Variants in MAP3K14 observed in about 807,000 individuals in gnomAD.
MAP3K14 encodes the protein NF-kappa-beta-inducing kinase.
Under a neutral mutation model 99.2 loss-of-function variants are expected in MAP3K14, and 16 were observed. The ratio of observed to expected loss-of-function variants is 0.16; its 90% CI spans 0.11 to 0.24. The LOEUF (loss-of-function observed/expected upper bound fraction) is 0.24, where lower values mean the gene tolerates loss of function less well. MAP3K14 is among the 10% of genes least tolerant of loss of function. MAP3K14 has a pLI of 1.00. For synonymous variants in MAP3K14, 462 were observed against 492.4 expected (o/e 0.94, Z 0.82); for missense variants, 784 against 1,208.7 (o/e 0.65, Z 5.21).
chr17:45,272,428 G>A lies in MAP3K14; in HGVS notation c.1657+1075C>T, dbSNP rs1318849503. Among the ~76,000 whole-genome samples the A allele has an allele frequency of 2.0e-5, 3 of 152,174 alleles. No homozygotes were observed. Among genetic ancestry groups the A allele is most frequent in the African/African-American group, 7.2e-5 (3 of 41,442 alleles). On this transcript the variant is annotated intron_variant, in intron 9 of 15. Coordinates refer to ENST00000344686, the MANE Select transcript of MAP3K14 (RefSeq NM_003954.5). This position sits in a 1 kb window ranked among gnomAD's most constrained non-coding sequence, Gnocchi z 4.1. ...AAAAGGGCTTAAAACAACACGGGTG[G>A]AGGTCAAGTGTCCACATTCAATTTA...
At chr17:45,290,935 C>T in intron 1 of MAP3K14, 170 bp from the exon 2 acceptor site, 1 of 616,478 alleles carries the variant, frequency 1.6e-6, no homozygotes, top group East Asian at 2.8e-5. Flanking sequence ...ACAGAGTCCA[C>T]CTCTCAACAG....
At chr17:45,275,973 G>A (rs2044177235) in intron 6 of MAP3K14, among the ~76,000 whole-genome samples, 1 of 152,064 alleles carries the variant, frequency 6.6e-6, no homozygotes, top group Non-Finnish European at 1.5e-5. Flanking sequence ...ATGCTGGCCA[G>A]GCTGGTCTCA....
chr17:45,274,109 G>A lies in MAP3K14; in HGVS notation c.1552+14C>T, dbSNP rs2143790995. 4 of 1,609,324 alleles carry A rather than the reference G, an allele frequency of 2.5e-6. No individual in the cohort carries two copies. Among genetic ancestry groups the A allele is most frequent in the Non-Finnish European group, 2.5e-6 (3 of 1,177,550 alleles). ...AGCCTGCTGGGGATCAGGGCCGTGGGGCCTGGGCCTTACCTTTGACGTCCC... is the reference window on the plus strand; with the variant it reads ...AGCCTGCTGGGGATCAGGGCCGTGGAGCCTGGGCCTTACCTTTGACGTCCC... On this transcript the variant is annotated intron_variant, in intron 8 of 15. Coordinates refer to ENST00000344686, the MANE Select transcript of MAP3K14 (RefSeq NM_003954.5).
At position 45,267,139 on chromosome 17, in the gene MAP3K14, A is replaced by G. The variant is rs1365553419; in HGVS notation, c.2386T>C (p.Ser796Pro). ...GAGAGGCTGTCGATGCTGAGGCACGAGAGAATTTGCTCCTGCTCCTCCAGA... is the reference window on the plus strand; with the variant it reads ...GAGAGGCTGTCGATGCTGAGGCACGGGAGAATTTGCTCCTGCTCCTCCAGA... ...FSLEEQEQIL[S>P]CLSIDSLSLS... The change falls in exon 13 of 16, where the codon TCG (serine) becomes CCG (proline). Residue 796 changes from serine to proline, a missense_variant. Physicochemically the swap from Ser to Pro is moderately conservative, Grantham distance 74. This residue lies in a region of MAP3K14 where 130 missense variants were observed against 220.4 expected (regional missense o/e 0.59). Transcript: ENST00000344686. This position sits in a 1 kb window ranked among gnomAD's most constrained non-coding sequence, Gnocchi z 5.1. The G allele has an allele frequency of 7.5e-6, 12 of 1,601,864 alleles. No homozygotes were observed. The highest frequency in any genetic ancestry group is 1.0e-5 in the Non-Finnish European group (12 of 1,174,178).
At chr17:45,293,083 G>C (rs2143835513) in intron 1 of MAP3K14, among the ~76,000 whole-genome samples, 1 of 152,306 alleles carries the variant, frequency 6.6e-6, no homozygotes, top group South Asian at 2.1e-4. Context: ...ATAGCACAGG[G>C]GCCACAGACC....
Position 45,290,455 on chromosome 17 carries a change from C to T in MAP3K14, c.256+35G>A, listed in dbSNP as rs774858372. 51 of 1,611,640 alleles carry T rather than the reference C, an allele frequency of 3.2e-5. No homozygotes were observed. In the South Asian group the frequency reaches 3.7e-4, roughly 12 times the overall value. On this transcript the variant is annotated intron_variant, in intron 2 of 15. Transcript: ENST00000344686. ...AGCTACCCACCTGCAGGCCCACCCACCTGCCCCGTGCCCACAACAACCCTA... is the reference window on the plus strand; with the variant it reads ...AGCTACCCACCTGCAGGCCCACCCATCTGCCCCGTGCCCACAACAACCCTA...
rs375320125 is a variant in MAP3K14 at position 45,264,683 on chromosome 17, C to T, written c.2797G>A (p.Ala933Thr). 30 of 1,601,400 alleles carry T rather than the reference C, an allele frequency of 1.9e-5. No individual in the cohort carries two copies. Among genetic ancestry groups the T allele is most frequent in the South Asian group, 4.5e-5 (4 of 88,860 alleles). The change falls in exon 16 of 16, where the codon GCC becomes ACC. Residue 933 changes from alanine to threonine, a missense_variant. Around this residue, in one of 5 missense-constraint regions of MAP3K14, gnomAD observed 130 missense variants for 220.4 expected, o/e 0.59. Coordinates refer to ENST00000344686, the MANE Select transcript of MAP3K14 (RefSeq NM_003954.5). Reference sequence around the variant, plus strand: ...CCATGCTTGACCCTCCAGCTCCAGGCGAAGCTGCCATCAGGGGCCAGTGTG... The same window carrying T: ...CCATGCTTGACCCTCCAGCTCCAGGTGAAGCTGCCATCAGGGGCCAGTGTG... ...QCTLAPDGSF[A>T]WSWRVKHGQL...
chr17:45,270,737 A>G, intron 10 of MAP3K14, 174 bp from the exon 11 acceptor site: 1 of 985,694 alleles, frequency 1.0e-6, no homozygotes, highest in Non-Finnish European at 1.4e-6. Context: ...AAAGGGACAA[A>G]TGGAGCCAGT....
At chr17:45,278,480 A>G (rs905985510) in intron 6 of MAP3K14, among the ~76,000 whole-genome samples, 3 of 152,156 alleles carry the variant, frequency 2.0e-5, no homozygotes, top group Admixed American at 1.3e-4. Context: ...CTTTCTAAGC[A>G]TTAGTTATTC....
intron 6 of MAP3K14, among the ~76,000 whole-genome samples, chr17:45,276,091 C>T (rs2044178266): frequency 6.6e-6 from 1 of 152,068 alleles, no homozygotes; most frequent in Admixed American, 6.6e-5. Flanking sequence ...AGGACTAAAA[C>T]ATCCACATAG....
rs989996074 is a variant in MAP3K14, at chr17:45,272,437, T to C, written c.1657+1066A>G. The stretch of plus-strand genomic sequence containing the variant: ...TAAAACAACACGGGTGGAGGTCAAG[T>C]GTCCACATTCAATTTACATCTTCAG... On this transcript the variant is annotated intron_variant, in intron 9 of 15. Coordinates refer to ENST00000344686, the MANE Select transcript of MAP3K14 (RefSeq NM_003954.5). The surrounding 1 kb of genome is among the most constrained non-coding windows in gnomAD (Gnocchi z 4.1). Among the ~76,000 whole-genome samples the C allele has an allele frequency of 2.6e-5, 4 of 152,202 alleles. No homozygotes were observed. Among genetic ancestry groups the C allele is most frequent in the Non-Finnish European group, 4.4e-5 (3 of 68,038 alleles).
At chr17:45,294,730 T>C (rs924613211) in intron 1 of MAP3K14, among the ~76,000 whole-genome samples, 3 of 152,234 alleles carry the variant, frequency 2.0e-5, no homozygotes, top group South Asian at 2.1e-4. Flanking sequence ...ATCTGTACTT[T>C]TGACAAGTTC....
At chr17:45,292,116 C>T (rs2044315032) in intron 1 of MAP3K14, among the ~76,000 whole-genome samples, 1 of 152,236 alleles carries the variant, frequency 6.6e-6, no homozygotes, top group African/African-American at 2.4e-5. Flanking sequence ...TTGTTGTTCA[C>T]TATTGATTAG....
At chr17:45,308,035 G>A (rs2044443453) in intron 1 of MAP3K14, among the ~76,000 whole-genome samples, 1 of 152,186 alleles carries the variant, frequency 6.6e-6, no homozygotes, top group Non-Finnish European at 1.5e-5. Flanking sequence ...GTCCTCCCTT[G>A]GGAAGGTAAA....
chr17:45,267,663 G>A lies in MAP3K14; in HGVS notation c.2069C>T (p.Pro690Leu), dbSNP rs370000467. 2.4e-5 allele frequency: 39 copies of A among 1,613,814 alleles called. No homozygotes were observed. In the African/African-American group the frequency reaches 3.9e-4, roughly 16 times the overall value. Reference protein sequence around the residue: ...ANYHQTLHAQPRELSPRAPGP... With the variant: ...ANYHQTLHAQLRELSPRAPGP... The stretch of plus-strand genomic sequence containing the variant: ...TGGGGCCCTTGGCGAAAGCTCTCTC[G>A]GCTGGGCATGGAGGGTCTGGTGGTA... The change falls in exon 12 of 16, where the codon CCG (proline) becomes CTG (leucine). Residue 690 changes from proline to leucine, a missense_variant. By Grantham distance (98) the Pro-to-Leu change is moderately conservative (BLOSUM62 -3). Around this residue, in one of 5 missense-constraint regions of MAP3K14, gnomAD observed 128 missense variants for 143.3 expected, o/e 0.89. Transcript: ENST00000344686. The surrounding 1 kb of genome is among the most constrained non-coding windows in gnomAD (Gnocchi z 5.1).
chr17:45,289,439 C>T, intron 2 of MAP3K14, 134 bp from the exon 3 acceptor site: 3 of 673,074 alleles, frequency 4.5e-6, no homozygotes, highest in Admixed American at 2.1e-5. Context: ...GTCTGGCAGT[C>T]ACCTCCCCAC....
In MAP3K14 at chr17:45,267,038, G is replaced by T; in HGVS notation, c.2433+54C>A. 7.6e-7 allele frequency: 1 copy of T among 1,315,868 alleles called. No individual in the cohort carries two copies. The highest frequency in any genetic ancestry group is 1.3e-5 in the South Asian group (1 of 79,290). The allele number at this position is 1,315,868 out of a possible 1,614,324, so 81.5% of individuals were successfully genotyped here. On this transcript the variant is annotated intron_variant, in intron 13 of 15. Transcript: ENST00000344686. The surrounding 1 kb of genome is among the most constrained non-coding windows in gnomAD (Gnocchi z 5.1). ...CGCAAAGCTACTTGCTCTGTGCCAG[G>T]GCCGGGAAAACCACACCCCTGGAGC...
intron 6 of MAP3K14, among the ~76,000 whole-genome samples, chr17:45,279,265 G>A (rs2143803140): frequency 6.6e-6 from 1 of 151,502 alleles, no homozygotes; most frequent in East Asian, 2.0e-4. Flanking sequence ...GAGTAGCTGA[G>A]ATTACAGGCA....
At position 45,264,485 on chromosome 17, in the gene MAP3K14, C is replaced by A; in HGVS notation, c.*151G>T. ...AAATCCTGGGAGGCATTCTGCTTGC[C>A]CCCACCTTGCTGCTGCGAGGCCCTG... On this transcript the variant is annotated 3_prime_UTR_variant, in exon 16 of 16. Coordinates refer to ENST00000344686, the MANE Select transcript of MAP3K14 (RefSeq NM_003954.5). 3 of 949,348 alleles carry A rather than the reference C, an allele frequency of 3.2e-6. No individual in the cohort carries two copies. Among genetic ancestry groups the A allele is most frequent in the African/African-American group, 3.3e-5 (2 of 59,816 alleles). 58.8% of individuals were successfully genotyped at this position (949,348 alleles called of 1,614,324 possible).
Sources: gnomAD v4.1 joint callset for allele counts (sites outside exome capture counted in the v4.1 genomes callset) on GRCh38, gnomAD v4.1.1 for gene constraint, gnomAD v4.1.1 regional missense constraint, Gnocchi (gnomAD v3.1) non-coding constraint, MANE v1.5 for transcripts, NCBI Gene and HGNC (gene_info 2026-07-23, HGNC 2026-07-21) for gene names.